The following LINGO2 variants were observed in gnomAD, a reference collection of about 807,000 sequenced individuals.
LINGO2 encodes the protein leucine rich repeat and Ig domain containing 2.
Under a neutral mutation model 30.6 loss-of-function variants are expected in LINGO2, and 14 were observed. The ratio of observed to expected loss-of-function variants is 0.46; its 90% CI spans 0.30 to 0.72. The LOEUF (loss-of-function observed/expected upper bound fraction) is 0.72, where lower values mean the gene tolerates loss of function less well. LINGO2 is among the 30% of genes least tolerant of loss of function. The pLI, the probability that LINGO2 is intolerant of heterozygous loss-of-function variation, is 0.07. For missense variants in LINGO2, 729 were observed against 751.7 expected, an observed-to-expected ratio of 0.97 and a Z score of 0.35; for synonymous variants, 317 against 288.5, an observed-to-expected ratio of 1.10 and a Z score of -1.00.
At chr9:28,748,019 T>TTTC in the LINGO2 span, among the ~76,000 whole-genome samples, 1 of 152,198 alleles carries the variant, frequency 6.6e-6, no homozygotes, top group South Asian at 2.1e-4. Flanking sequence ...AAGGAACAAC[T>TTTC]TTCTTTGCAA....
chr9:28,935,108 C>CA, the LINGO2 span, among the ~76,000 whole-genome samples: 6,296 of 150,638 alleles, frequency 0.042, 192 homozygotes, highest in Admixed American at 0.083. Flanking sequence ...ACAAAAAATA[C>CA]AAAAAAAAGG....
chr9:28,980,231 AC>A, the LINGO2 span, among the ~76,000 whole-genome samples: 6 of 152,102 alleles, frequency 3.9e-5, no homozygotes, highest in African/African-American at 1.4e-4. Context: ...CATAATGACC[AC>A]ATAGGGCCCA....
chr9:28,021,204 A>C (rs570963914), intron 4 of LINGO2, among the ~76,000 whole-genome samples: 1 of 152,164 alleles, frequency 6.6e-6, no homozygotes, highest in South Asian at 2.1e-4. Flanking sequence ...TGTATCATAC[A>C]TTTTAATAAG....
intron 5 of LINGO2, among the ~76,000 whole-genome samples, chr9:28,005,445 C>T (rs1468553539): frequency 1.3e-5 from 2 of 152,152 alleles, no homozygotes; most frequent in Admixed American, 1.3e-4. Context: ...CTTTCCCTTT[C>T]CCCTTCTCTT....
intron 1 of LINGO2, among the ~76,000 whole-genome samples, chr9:28,656,670 A>T (rs1828358239): frequency 6.6e-6 from 1 of 152,110 alleles, no homozygotes; most frequent in Non-Finnish European, 1.5e-5. Context: ...TATTTACTAT[A>T]ATAAATGTTA....
chr9:28,876,020 T>C, the LINGO2 span, among the ~76,000 whole-genome samples: 2 of 152,070 alleles, frequency 1.3e-5, no homozygotes, highest in African/African-American at 4.8e-5. Flanking sequence ...ACAATAAAAG[T>C]ATACCAAGAA....
chr9:27,996,699 T>C (rs1237643556), intron 5 of LINGO2, among the ~76,000 whole-genome samples: 1 of 152,184 alleles, frequency 6.6e-6, no homozygotes, highest in Non-Finnish European at 1.5e-5. Flanking sequence ...AATAGCACAA[T>C]AGGGCAACTA....
chr9:29,057,371 C>T, the LINGO2 span, among the ~76,000 whole-genome samples: 1 of 152,018 alleles, frequency 6.6e-6, no homozygotes, highest in South Asian at 2.1e-4. Flanking sequence ...ATTGTCTCTA[C>T]CTGTGTCAAT....
At chr9:28,367,056 A>G (rs1384520704) in intron 3 of LINGO2, among the ~76,000 whole-genome samples, 1 of 152,168 alleles carries the variant, frequency 6.6e-6, no homozygotes, top group East Asian at 1.9e-4. Flanking sequence ...CCCATATGAC[A>G]CATATACATT....
chr9:28,453,108 C>T (rs1368602331), intron 2 of LINGO2, among the ~76,000 whole-genome samples: 1 of 151,706 alleles, frequency 6.6e-6, no homozygotes, highest in Non-Finnish European at 1.5e-5. Flanking sequence ...TATAATGTAC[C>T]ATAAAATTTC....
the LINGO2 span, among the ~76,000 whole-genome samples, chr9:28,829,869 G>GAAA: frequency 6.6e-6 from 1 of 152,080 alleles, no homozygotes; most frequent in Non-Finnish European, 1.5e-5. Context: ...CAGCCTGGGC[G>GAAA]AAAGAGAGAA....
the LINGO2 span, among the ~76,000 whole-genome samples, chr9:28,703,343 T>G: frequency 1.7e-4 from 26 of 152,080 alleles, no homozygotes; most frequent in Non-Finnish European, 2.8e-4. Context: ...TTCAAAATAT[T>G]TTAAAATTTC....
intron 5 of LINGO2, among the ~76,000 whole-genome samples, chr9:27,989,577 A>G (rs1466643565): frequency 6.6e-6 from 1 of 151,932 alleles, no homozygotes; most frequent in East Asian, 1.9e-4. Context: ...TCAGGCAGAC[A>G]TTAGGCCAAT....
the LINGO2 span, among the ~76,000 whole-genome samples, chr9:28,756,555 T>C: frequency 6.6e-6 from 1 of 151,994 alleles, no homozygotes; most frequent in Non-Finnish European, 1.5e-5. Context: ...AGAATGATAT[T>C]GTTTGGCTCG....
intron 5 of LINGO2, among the ~76,000 whole-genome samples, chr9:27,955,447 T>G (rs1819516178): frequency 6.6e-6 from 1 of 152,202 alleles, no homozygotes; most frequent in Non-Finnish European, 1.5e-5. Flanking sequence ...ATCATCCTCT[T>G]TACCTCTTTT....
the LINGO2 span, among the ~76,000 whole-genome samples, chr9:29,027,166 A>G: frequency 2.0e-5 from 3 of 152,190 alleles, no homozygotes; most frequent in African/African-American, 7.2e-5. Flanking sequence ...AAATGAGGCA[A>G]AAATAACTAG....
chr9:28,021,485 C>T (rs1015393717), intron 4 of LINGO2, among the ~76,000 whole-genome samples: 1 of 151,874 alleles, frequency 6.6e-6, no homozygotes, highest in Non-Finnish European at 1.5e-5. Context: ...ATGCCATATT[C>T]TATAAATGTC....
At chr9:28,424,281 C>A (rs1823317235) in intron 2 of LINGO2, among the ~76,000 whole-genome samples, 1 of 152,124 alleles carries the variant, frequency 6.6e-6, no homozygotes, top group South Asian at 2.1e-4. Flanking sequence ...AGTTATACAA[C>A]TTTTAGGCCT....
intron 5 of LINGO2, among the ~76,000 whole-genome samples, chr9:28,005,473 T>TA (rs760833518): frequency 2.0e-4 from 30 of 152,312 alleles, no homozygotes; most frequent in Middle Eastern, 3.4e-3. Context: ...TTTTTCCCTC[T>TA]ACTTTTCTTC....
Sources: gnomAD v4.1 joint callset for allele counts (sites outside exome capture counted in the v4.1 genomes callset) on GRCh38, gnomAD v4.1.1 for gene constraint, MANE v1.5 for transcripts, NCBI Gene and HGNC (gene_info 2026-07-23, HGNC 2026-07-21) for gene names.